The following PCDHGB2 variants were observed in gnomAD, a reference collection of about 807,000 sequenced individuals.
PCDHGB2 encodes the protein protocadherin gamma subfamily B, 2, also known as protocadherin gamma-B2.
A neutral mutation model predicts 59.3 loss-of-function variants in PCDHGB2; 55 were observed. The observed-to-expected ratio is 0.93, with a 90% CI of 0.75 to 1.16. The LOEUF (loss-of-function observed/expected upper bound fraction) is 1.16. Ranked by LOEUF, PCDHGB2 falls within the 50% of genes most tolerant of loss-of-function variation. The pLI is 0.00. For missense variants in PCDHGB2, 1,228 were observed against 1,198.5 expected, an observed-to-expected ratio of 1.02 and a Z score of -0.36; for synonymous variants, 516 against 512.0, an observed-to-expected ratio of 1.01 and a Z score of -0.11.
chr5:141,361,531 C>T lies in PCDHGB2; in HGVS notation c.1396C>T (p.Pro466Ser). ...CATGGTTCACGTGGCAGAGAACAAT[C>T]CTCCTGGCGCCTCTATCGCTCAAAT... ...SYMVHVAENN[P>S]PGASIAQISA... Residue 466 changes from proline to serine, a missense_variant, in exon 1 of 4, where the codon CCT becomes TCT. Transcript: ENST00000522605. The T allele has an allele frequency of 1.2e-6, 2 of 1,614,040 alleles. No homozygotes were observed. Among genetic ancestry groups the T allele is most frequent in the Non-Finnish European group, 1.7e-6 (2 of 1,179,894 alleles).
At chr5:141,438,739 G>A (rs1264194876) in intron 1 of PCDHGB2, among the ~76,000 whole-genome samples, 1 of 149,040 alleles carries the variant, frequency 6.7e-6, no homozygotes, top group African/African-American at 2.5e-5. Context: ...TCAGCTCACT[G>A]CAACCTCTGC....
chr5:141,460,981 G>GTA (rs1491204135), intron 1 of PCDHGB2, among the ~76,000 whole-genome samples: 1,658 of 121,856 alleles, frequency 0.014, 27 homozygotes, highest in African/African-American at 0.051. Flanking sequence ...GTGTGTGTGT[G>GTA]TGTATATATA....
chr5:141,418,397 T>C (rs764404369), intron 1 of PCDHGB2: 9 of 1,613,838 alleles, frequency 5.6e-6, no homozygotes, highest in South Asian at 3.3e-5. Context: ...GTATTTCTCA[T>C]TGGTGGAGAA....
intron 1 of PCDHGB2, chr5:141,413,652 G>A: frequency 6.2e-7 from 1 of 1,613,780 alleles, no homozygotes; most frequent in Non-Finnish European, 8.5e-7. Context: ...TTCCTCTCCC[G>A]GAAGCTATTG....
intron 1 of PCDHGB2, chr5:141,400,548 T>C: frequency 6.2e-7 from 1 of 1,613,656 alleles, no homozygotes; most frequent in South Asian, 1.1e-5. Context: ...ATGTCTATTC[T>C]TTTTCATTAC....
At chr5:141,506,668 C>A (rs2099855518) in intron 3 of PCDHGB2, among the ~76,000 whole-genome samples, 1 of 152,100 alleles carries the variant, frequency 6.6e-6, no homozygotes, top group Admixed American at 6.6e-5. Context: ...AGTAAGGGCA[C>A]AATATATTAT....
At chr5:141,423,463 G>T (rs772779471) in intron 1 of PCDHGB2, 22 of 1,613,992 alleles carry the variant, frequency 1.4e-5, no homozygotes, top group Non-Finnish European at 1.8e-5. Context: ...AGGCGTGGAC[G>T]GGGTACAGGC....
At chr5:141,395,525 G>T in intron 1 of PCDHGB2, 1 of 384,022 alleles carries the variant, frequency 2.6e-6, no homozygotes, top group Non-Finnish European at 4.6e-6. Context: ...CGTCCATACT[G>T]GTAATTTTGC....
chr5:141,484,930 G>A (rs992641330), intron 1 of PCDHGB2: 2 of 501,452 alleles, frequency 4.0e-6, no homozygotes, highest in South Asian at 2.6e-5. Flanking sequence ...CTGCTGTTGG[G>A]ACGTTCTCTG....
At chr5:141,478,526 G>A (rs1402123535) in intron 1 of PCDHGB2, 1 of 1,609,906 alleles carries the variant, frequency 6.2e-7, no homozygotes, top group Admixed American at 1.7e-5. Context: ...GTTGGGTGCA[G>A]AGAGCGCCCC....
intron 1 of PCDHGB2, chr5:141,405,129 G>A (rs755961534): frequency 9.9e-6 from 16 of 1,613,846 alleles, no homozygotes; most frequent in Middle Eastern, 3.3e-4. Context: ...CATCTGCTGC[G>A]GGCTACCAGT....
chr5:141,447,161 C>T (rs1432238455), intron 1 of PCDHGB2, among the ~76,000 whole-genome samples: 1 of 151,728 alleles, frequency 6.6e-6, no homozygotes, highest in East Asian at 1.9e-4. Flanking sequence ...TTTGTTTAAG[C>T]GGGGTCTTGC....
At position 141,473,299 on chromosome 5, in the gene PCDHGB2, G is replaced by A. The variant is rs182316672; in HGVS notation, c.2422-21508G>A. The stretch of plus-strand genomic sequence containing the variant: ...TATTTTACTATGTCAGTAGCATAAA[G>A]ATTGCTATATTAATAAGCATTAAGT... On this transcript the variant is annotated intron_variant, in intron 1 of 3. Coordinates refer to ENST00000522605, the MANE Select transcript of PCDHGB2 (RefSeq NM_018923.3). 5.6e-4 allele frequency among the ~76,000 whole-genome samples: 86 copies of A among 152,346 alleles called. 1 individual carries two copies. The highest frequency in any genetic ancestry group is 1.9e-3 in the African/African-American group (81 of 41,572).
chr5:141,461,058 T>C (rs1450016344), intron 1 of PCDHGB2, among the ~76,000 whole-genome samples: 2 of 152,010 alleles, frequency 1.3e-5, no homozygotes, highest in Admixed American at 1.3e-4. Context: ...CTTAGGTTGG[T>C]TTCACATTTT....
rs773840884 is a variant in PCDHGB2 at position 141,372,185 on chromosome 5, C to A, written c.2421+9629C>A. 4 of 1,613,630 alleles carry A rather than the reference C, an allele frequency of 2.5e-6. No individual in the cohort carries two copies. The South Asian group carries it at 4.4e-5, about 18-fold the overall frequency. The stretch of plus-strand genomic sequence containing the variant: ...CCAAGGTGGTGGCGGTGGACGCAGA[C>A]TCGGGATACAACGCCTGGCTGTCCT... On this transcript the variant is annotated intron_variant, in intron 1 of 3. Transcript: ENST00000522605.
chr5:141,374,221 C>A, intron 1 of PCDHGB2: 1 of 1,613,996 alleles, frequency 6.2e-7, no homozygotes, highest in Non-Finnish European at 8.5e-7. Flanking sequence ...CCTTCGTAGG[C>A]AACATCGTCA....
At chr5:141,390,646 C>G (rs2092199925) in intron 1 of PCDHGB2, 1 of 218,218 alleles carries the variant, frequency 4.6e-6, no homozygotes, top group Non-Finnish European at 9.0e-6. Flanking sequence ...CTTTTTTCAG[C>G]TTGGATATAC....
At chr5:141,421,894 C>A in intron 1 of PCDHGB2, 3 of 1,613,704 alleles carry the variant, frequency 1.9e-6, no homozygotes, top group Non-Finnish European at 2.5e-6. Context: ...CGATCCCATC[C>A]GAAAGGGCGC....
intron 1 of PCDHGB2, among the ~76,000 whole-genome samples, chr5:141,468,198 G>A (rs992118435): frequency 9.2e-5 from 14 of 151,854 alleles, no homozygotes; most frequent in Admixed American, 7.2e-4. Context: ...GGTGGCGGGT[G>A]CCTGTAATTC....
Sources: allele counts gnomAD v4.1 joint callset (sites outside exome capture counted in the v4.1 genomes callset), GRCh38; gene constraint gnomAD v4.1.1; transcripts MANE v1.5; gene names NCBI Gene and HGNC (gene_info 2026-07-23, HGNC 2026-07-21).